Variants in OVCH1 observed in about 807,000 individuals in gnomAD.
OVCH1 encodes ovochymase-1.
Under a neutral mutation model 138.4 loss-of-function variants are expected in OVCH1, and 139 were observed. The ratio of observed to expected loss-of-function variants is 1.00; its 90% CI spans 0.87 to 1.16. The LOEUF is 1.16. Ranked by LOEUF, OVCH1 falls within the 50% of genes most tolerant of loss-of-function variation. OVCH1 has a pLI of 0.00. For synonymous variants in OVCH1, 453 were observed against 467.8 expected, an observed-to-expected ratio of 0.97 and a Z score of 0.41; for missense variants, 1,367 against 1,357.9, an observed-to-expected ratio of 1.01 and a Z score of -0.11.
chr12:29,430,432 G>C (rs1488415424), intron 27 of OVCH1, among the ~76,000 whole-genome samples: 1 of 152,146 alleles, frequency 6.6e-6, no homozygotes, highest in East Asian at 1.9e-4. Flanking sequence ...CCATTAGGTG[G>C]GGGCAGGGCT....
In OVCH1 at chr12:29,489,714, G is replaced by T. The variant is rs1206833379; in HGVS notation, c.608C>A (p.Ala203Glu). The T allele has an allele frequency of 1.9e-6, 3 of 1,610,360 alleles. No individual in the cohort carries two copies. In the East Asian group the frequency reaches 6.7e-5, roughly 36 times the overall value. Residue 203 changes from alanine (A) to glutamate (E), a missense_variant, in exon 6 of 28, where the codon GCG (alanine) becomes GAG (glutamate). Ala to Glu is a moderately radical substitution (Grantham distance 107). Transcript: ENST00000318184. The stretch of plus-strand genomic sequence containing the variant: ...CATGCTCTTGAGCACAGTATTACAC[G>T]CTCTGTCATCCATGATGGGAAGTTC...
At chr12:29,478,899 C>G in exon 9 of OVCH1, 2 of 1,582,064 alleles carry the variant, frequency 1.3e-6, no homozygotes, top group Non-Finnish European at 1.7e-6. Context: ...CTTGCTTTTC[C>G]ATGTCTAAAC....
At chr12:29,495,143 TA>T in intron 4 of OVCH1, 141 bp downstream of exon 4, 1 of 824,278 alleles carries the variant, frequency 1.2e-6, no homozygotes, top group Non-Finnish European at 1.9e-6. Context: ...CAATAGGTTA[TA>T]GACCGAACAA....
chr12:29,431,870 A>G (rs980218073), intron 27 of OVCH1, among the ~76,000 whole-genome samples: 1 of 152,240 alleles, frequency 6.6e-6, no homozygotes, highest in African/African-American at 2.4e-5. Flanking sequence ...CTACTCATAC[A>G]TTAGCTCTCA....
intron 7 of OVCH1, among the ~76,000 whole-genome samples, chr12:29,486,627 A>G (rs1252017649): frequency 6.6e-6 from 1 of 152,216 alleles, no homozygotes; most frequent in Non-Finnish European, 1.5e-5. Flanking sequence ...AGAAAACTCA[A>G]TTTAACCCTA....
rs769507932 is a variant in OVCH1, at chr12:29,454,897, G to T, written c.2474C>A (p.Thr825Asn). The change falls in exon 21 of 28, where the codon ACC becomes AAC. Residue 825 changes from threonine to asparagine, a missense_variant. Transcript: ENST00000318184. ...GGGTGGTGGCAATTGTTGTTTTAAG[G>T]TTTTGCATTTATTATTTGTCTGAAG... The T allele has an allele frequency of 2.5e-6, 4 of 1,612,704 alleles. No individual in the cohort carries two copies. The South Asian group carries it at 4.4e-5, about 18-fold the overall frequency.
chr12:29,435,417 A>G (rs1941340022), intron 26 of OVCH1, among the ~76,000 whole-genome samples: 1 of 152,208 alleles, frequency 6.6e-6, no homozygotes, highest in South Asian at 2.1e-4. Flanking sequence ...TCCAGGCTGG[A>G]GTGCAGTGGC....
downstream of OVCH1, chr12:29,426,058 T>C (rs930435902): frequency 6.6e-5 from 10 of 152,214 alleles, no homozygotes; most frequent in African/African-American, 2.4e-4. Flanking sequence ...ACTCAGCTAG[T>C]ACTATGGTAC....
chr12:29,417,765 G>GTT (rs1941050625), intron 3 of OVCH1, among the ~76,000 whole-genome samples: 1 of 23,598 alleles, frequency 4.2e-5, no homozygotes, highest in Non-Finnish European at 1.1e-4. Context: ...CTACAAGTGT[G>GTT]TGTGTGTGTG....
chr12:29,417,610 C>T (rs1443959968), intron 3 of OVCH1, among the ~76,000 whole-genome samples: 4 of 151,710 alleles, frequency 2.6e-5, no homozygotes, highest in Non-Finnish European at 4.4e-5. Context: ...TGTACTATTT[C>T]TTAAACTGCA....
At chr12:29,459,282 C>A (rs140605707) in intron 19 of OVCH1, among the ~76,000 whole-genome samples, 70 of 152,252 alleles carry the variant, frequency 4.6e-4, no homozygotes, top group Admixed American at 7.9e-4. Context: ...TTCATATACA[C>A]AATGGAGTAC....
chr12:29,463,383 G>A (rs1005782236), intron 18 of OVCH1, among the ~76,000 whole-genome samples: 1 of 152,168 alleles, frequency 6.6e-6, no homozygotes, highest in African/African-American at 2.4e-5. Flanking sequence ...CAAGTAGGAG[G>A]ACACAAAATG....
At chr12:29,421,912 G>A (rs763000273) in intron 3 of OVCH1, among the ~76,000 whole-genome samples, 16 of 152,004 alleles carry the variant, frequency 1.1e-4, no homozygotes, top group Non-Finnish European at 2.1e-4. Flanking sequence ...GTGGATTTGT[G>A]TTGTTTATTC....
intron 3 of OVCH1, among the ~76,000 whole-genome samples, chr12:29,420,958 T>C (rs532000321): frequency 1.1e-3 from 174 of 152,350 alleles, no homozygotes; most frequent in Middle Eastern, 3.4e-3. Flanking sequence ...TCTTGTGACA[T>C]AGGGAGAGCA....
Position 29,477,162 on chromosome 12 carries a change from C to A in OVCH1, c.1317G>T (p.Leu439Phe), listed in dbSNP as rs987001533. ...AATGACACCTTGTGTTACTGGGATACAAATCAGGATACTTGGCAGAGTGAT... is the reference window on the plus strand; with the variant it reads ...AATGACACCTTGTGTTACTGGGATAAAAATCAGGATACTTGGCAGAGTGAT... Residue 439 changes from leucine (L) to phenylalanine (F), a missense_variant, in exon 12 of 28, where the codon TTG (leucine) becomes TTT (phenylalanine). Transcript: ENST00000318184. 3.1e-6 allele frequency: 5 copies of A among 1,613,482 alleles called. No homozygotes were observed. In the Admixed American group the frequency reaches 5.0e-5, roughly 16 times the overall value.
intron 25 of OVCH1, 84 bp from the exon 26 acceptor site, chr12:29,440,828 G>A (rs1941465819): frequency 4.6e-6 from 2 of 434,698 alleles, no homozygotes. Flanking sequence ...CAGCAGTTTA[G>A]CAATTGGATT....
intron 4 of OVCH1, among the ~76,000 whole-genome samples, chr12:29,493,477 GTCTC>G (rs1943327358): frequency 6.6e-6 from 1 of 152,066 alleles, no homozygotes; most frequent in African/African-American, 2.4e-5. Flanking sequence ...TTGAATTACA[GTCTC>G]TCTCTACCAA....
rs201971041 is a variant in OVCH1 at position 29,455,312 on chromosome 12, A to G, written c.2374T>C (p.Trp792Arg). The change falls in exon 20 of 28, where the codon TGG becomes CGG. Residue 792 changes from tryptophan (W) to arginine (R), a missense_variant. Transcript: ENST00000318184. Reference sequence around the variant, plus strand: ...ACTCTGGCAAATACACCCGGCTTCCATGGCTGGACACAGCCAGCTCCCCAG... The same window carrying G: ...ACTCTGGCAAATACACCCGGCTTCCGTGGCTGGACACAGCCAGCTCCCCAG... 135 of 1,613,802 alleles carry G rather than the reference A, an allele frequency of 8.4e-5. No individual in the cohort carries two copies. The highest frequency in any genetic ancestry group is 6.6e-4 in the Middle Eastern group (4 of 6,082).
chr12:29,413,773 C>CCAGAAATAA, intron 3 of OVCH1, among the ~76,000 whole-genome samples: 1 of 152,250 alleles, frequency 6.6e-6, no homozygotes, highest in African/African-American at 2.4e-5. Context: ...TATCCTGGAT[C>CCAGAAATAA]ATTTATTTCA....
Sources: gnomAD v4.1 joint callset for allele counts (sites outside exome capture counted in the v4.1 genomes callset) on GRCh38, gnomAD v4.1.1 for gene constraint, MANE v1.5 for transcripts, NCBI Gene and HGNC (gene_info 2026-07-23, HGNC 2026-07-21) for gene names.